The following PPFIA2 variants were observed in gnomAD, a reference collection of about 807,000 sequenced individuals.
PPFIA2 encodes the protein PPFI scaffold protein A2, also known as liprin-alpha-2.
Under a neutral mutation model 175.5 loss-of-function variants are expected in PPFIA2, and 46 were observed. That is an observed-to-expected ratio of 0.26 (90% CI 0.21 to 0.34). PPFIA2 has a LOEUF of 0.34. PPFIA2 is among the 10% of genes least tolerant of loss of function. The pLI, the probability that PPFIA2 is intolerant of heterozygous loss-of-function variation, is 1.00. For synonymous variants in PPFIA2, 568 were observed against 511.4 expected (o/e 1.11, Z -1.49); for missense variants, 1,179 against 1,506.1 (o/e 0.78, Z 3.60).
At chr12:81,526,911 A>C (rs1254622001) in intron 4 of PPFIA2, among the ~76,000 whole-genome samples, 1 of 151,950 alleles carries the variant, frequency 6.6e-6, no homozygotes, top group Non-Finnish European at 1.5e-5. Context: ...TTCTAGCTGA[A>C]GGTATGACCT....
intron 8 of PPFIA2, among the ~76,000 whole-genome samples, chr12:81,393,144 A>G (rs943024179): frequency 6.6e-6 from 1 of 152,058 alleles, no homozygotes; most frequent in African/African-American, 2.4e-5. Context: ...ATAAATGTTA[A>G]TAATTATCAG....
At chr12:81,377,641 C>T (rs2036686264) in intron 9 of PPFIA2, among the ~76,000 whole-genome samples, 1 of 151,964 alleles carries the variant, frequency 6.6e-6, no homozygotes, top group Non-Finnish European at 1.5e-5. Flanking sequence ...AGTTAGCTCT[C>T]TCTCTTGTAT....
intron 4 of PPFIA2, among the ~76,000 whole-genome samples, chr12:81,644,612 T>C (rs979318315): frequency 1.3e-5 from 2 of 152,104 alleles, no homozygotes; most frequent in African/African-American, 4.8e-5. Flanking sequence ...TTTCTTTCTA[T>C]ACTAATTTAA....
At chr12:81,402,323 T>C (rs2042216739) in intron 8 of PPFIA2, among the ~76,000 whole-genome samples, 1 of 151,164 alleles carries the variant, frequency 6.6e-6, no homozygotes. Context: ...TGTTTGAATA[T>C]ACCTTTTTAA....
chr12:81,351,467 T>G (rs1407971073), intron 17 of PPFIA2, among the ~76,000 whole-genome samples: 1 of 152,112 alleles, frequency 6.6e-6, no homozygotes, highest in Non-Finnish European at 1.5e-5. Flanking sequence ...GAAAAATGTA[T>G]TTTCACTGAT....
At chr12:81,410,313 G>A (rs2043701874) in intron 7 of PPFIA2, among the ~76,000 whole-genome samples, 2 of 152,058 alleles carry the variant, frequency 1.3e-5, no homozygotes, top group Admixed American at 1.3e-4. Context: ...TTGTAACATT[G>A]GCTCAAATGG....
At chr12:81,440,655 G>A (rs1038394144) in intron 6 of PPFIA2, among the ~76,000 whole-genome samples, 23 of 151,788 alleles carry the variant, frequency 1.5e-4, no homozygotes, top group African/African-American at 4.8e-4. Flanking sequence ...TTAAACCATT[G>A]TATTTTATAG....
chr12:81,722,589 A>C (rs1568006351), intron 3 of PPFIA2, among the ~76,000 whole-genome samples: 1 of 150,984 alleles, frequency 6.6e-6, no homozygotes. Context: ...TAGGAACACT[A>C]TCTCAATTCC....
chr12:81,441,912 G>T (rs923555747), intron 6 of PPFIA2, among the ~76,000 whole-genome samples: 1 of 152,030 alleles, frequency 6.6e-6, no homozygotes, highest in African/African-American at 2.4e-5. Flanking sequence ...GTAGAGAGAG[G>T]AAGTTACCAT....
chr12:81,466,013 A>G (rs2146102844), intron 4 of PPFIA2, among the ~76,000 whole-genome samples: 1 of 152,258 alleles, frequency 6.6e-6, no homozygotes, highest in South Asian at 2.1e-4. Context: ...GAGCCCAGGG[A>G]ATGCTGTCAT....
chr12:81,659,122 C>G (rs1241910298), intron 4 of PPFIA2, among the ~76,000 whole-genome samples: 3 of 152,150 alleles, frequency 2.0e-5, no homozygotes, highest in African/African-American at 7.2e-5. Flanking sequence ...CTCCAGTCTA[C>G]AGCTCCCAGC....
chr12:81,510,420 C>CA (rs1411472393), intron 4 of PPFIA2, among the ~76,000 whole-genome samples: 1 of 151,982 alleles, frequency 6.6e-6, no homozygotes, highest in Non-Finnish European at 1.5e-5. Context: ...TCTTTATCAG[C>CA]AGAGCAAAAA....
In PPFIA2 at chr12:81,395,723, G is replaced by C. The variant is rs541846472; in HGVS notation, c.762+10064C>G. ...CAGATTTATAATCTGTTCTTCAGAG[G>C]ACAGCTCCCAGAGATTACCCAGGGG... On this transcript the variant is annotated intron_variant, in intron 8 of 32. Coordinates refer to ENST00000549396, the MANE Select transcript of PPFIA2 (RefSeq NM_003625.5). 1.2e-4 allele frequency among the ~76,000 whole-genome samples: 18 copies of C among 152,128 alleles called. No individual in the cohort carries two copies. The East Asian group carries it at 3.5e-3, about 29-fold the overall frequency.
At chr12:81,578,517 C>G (rs1168378749) in intron 4 of PPFIA2, among the ~76,000 whole-genome samples, 1 of 151,640 alleles carries the variant, frequency 6.6e-6, no homozygotes, top group African/African-American at 2.4e-5. Context: ...TTAAAAAGAA[C>G]TTTTAATGAG....
chr12:81,361,068 C>G (rs767830891), intron 15 of PPFIA2, among the ~76,000 whole-genome samples: 1 of 151,596 alleles, frequency 6.6e-6, no homozygotes, highest in Non-Finnish European at 1.5e-5. Flanking sequence ...CCACTACAAT[C>G]TGTTGATCAA....
intron 4 of PPFIA2, among the ~76,000 whole-genome samples, chr12:81,474,162 A>G (rs1301914160): frequency 1.3e-5 from 2 of 151,856 alleles, no homozygotes; most frequent in African/African-American, 4.8e-5. Context: ...TTAATTAACT[A>G]ATTTGTTTTG....
At chr12:81,454,077 G>A (rs1253853615) in intron 5 of PPFIA2, among the ~76,000 whole-genome samples, 1 of 152,018 alleles carries the variant, frequency 6.6e-6, no homozygotes, top group African/African-American at 2.4e-5. Flanking sequence ...AAATTAGCTG[G>A]GTATGGTGGC....
chr12:81,320,803 T>C (rs2053493713), intron 22 of PPFIA2, among the ~76,000 whole-genome samples: 1 of 152,068 alleles, frequency 6.6e-6, no homozygotes, highest in South Asian at 2.1e-4. Flanking sequence ...TCTTGAGAAT[T>C]AGAGAGGTGA....
chr12:81,703,243 G>C (rs1053656257), intron 3 of PPFIA2, among the ~76,000 whole-genome samples: 6 of 152,006 alleles, frequency 3.9e-5, no homozygotes, highest in Admixed American at 6.6e-5. Context: ...CTGTTTATCA[G>C]ACATCTTATT....
Sources: gnomAD v4.1 joint callset for allele counts (sites outside exome capture counted in the v4.1 genomes callset) on GRCh38, gnomAD v4.1.1 for gene constraint, MANE v1.5 for transcripts, NCBI Gene and HGNC (gene_info 2026-07-23, HGNC 2026-07-21) for gene names.